Variants in SGCZ observed in about 807,000 individuals in gnomAD.
SGCZ encodes sarcoglycan zeta.
Under a neutral mutation model 41.3 loss-of-function variants are expected in SGCZ, and 40 were observed. That is an observed-to-expected ratio of 0.97 (90% CI 0.75 to 1.26). The LOEUF is 1.26. Among genes scored for constraint, SGCZ ranks in the 50% most tolerant of loss-of-function variants. The pLI is 0.00. For synonymous variants in SGCZ, 206 were observed against 137.5 expected, an observed-to-expected ratio of 1.50 and a Z score of -3.49; for missense variants, 552 against 369.8, an observed-to-expected ratio of 1.49 and a Z score of -4.04.
intron 1 of SGCZ, among the ~76,000 whole-genome samples, chr8:14,761,473 A>G (rs75196964): frequency 1.3e-5 from 2 of 151,326 alleles, no homozygotes; most frequent in African/African-American, 4.8e-5. Flanking sequence ...ATCTACCTGT[A>G]GACTCTCAAG....
intron 2 of SGCZ, among the ~76,000 whole-genome samples, chr8:14,425,147 C>G (rs1799743260): frequency 6.6e-6 from 1 of 152,072 alleles, no homozygotes; most frequent in Non-Finnish European, 1.5e-5. Context: ...GCTTTCTAAA[C>G]AGTGAAGTGA....
chr8:14,670,742 C>T (rs1164716874), intron 1 of SGCZ, among the ~76,000 whole-genome samples: 2 of 152,022 alleles, frequency 1.3e-5, no homozygotes, highest in Non-Finnish European at 2.9e-5. Context: ...TTCAGTACAA[C>T]CCATGAGGTA....
At chr8:14,412,484 T>C (rs1799386647) in intron 2 of SGCZ, among the ~76,000 whole-genome samples, 1 of 152,128 alleles carries the variant, frequency 6.6e-6, no homozygotes, top group Non-Finnish European at 1.5e-5. Context: ...TTAAAATAGA[T>C]AATCTCAGCA....
chr8:14,287,290 G>C (rs1585321993), intron 3 of SGCZ, among the ~76,000 whole-genome samples: 1 of 151,664 alleles, frequency 6.6e-6, no homozygotes, highest in Middle Eastern at 3.2e-3. Context: ...GAAAAGGTGG[G>C]TCATTTCAAT....
intron 5 of SGCZ, among the ~76,000 whole-genome samples, chr8:14,109,254 C>CTCTA (rs1359931034): frequency 6.6e-6 from 1 of 152,174 alleles, no homozygotes; most frequent in African/African-American, 2.4e-5. Flanking sequence ...TTGAAGGATA[C>CTCTA]TCTATCTCAA....
At chr8:14,696,568 T>G (rs1808970136) in intron 1 of SGCZ, among the ~76,000 whole-genome samples, 1 of 152,158 alleles carries the variant, frequency 6.6e-6, no homozygotes, top group African/African-American at 2.4e-5. Context: ...TAAAAATACT[T>G]ATTTCTAACA....
At chr8:14,532,704 TTG>T (rs1467600868) in intron 2 of SGCZ, among the ~76,000 whole-genome samples, 7 of 103,658 alleles carry the variant, frequency 6.8e-5, no homozygotes, top group African/African-American at 3.0e-4. Context: ...AAAACTTGCT[TTG>T]TGTGTGGGGG....
At chr8:14,339,363 T>C (rs2410186) in intron 2 of SGCZ, among the ~76,000 whole-genome samples, 30,236 of 152,218 alleles carry the variant, frequency 0.2, 3,784 homozygotes, top group Non-Finnish European at 0.29. Flanking sequence ...CTGAGAATGG[T>C]TGTTCTCTAA....
intron 1 of SGCZ, among the ~76,000 whole-genome samples, chr8:15,104,367 T>A (rs1563127872): frequency 6.6e-6 from 1 of 152,168 alleles, no homozygotes; most frequent in Non-Finnish European, 1.5e-5. Context: ...TGTAAAGTCA[T>A]GCACACACTG....
intron 1 of SGCZ, among the ~76,000 whole-genome samples, chr8:15,146,474 T>C (rs1799040396): frequency 1.3e-5 from 2 of 152,126 alleles, no homozygotes; most frequent in Admixed American, 1.3e-4. Context: ...CCTTGTTCTC[T>C]AGTGATCCTC....
At chr8:14,433,485 G>C (rs773584007) in intron 2 of SGCZ, among the ~76,000 whole-genome samples, 1 of 152,126 alleles carries the variant, frequency 6.6e-6, no homozygotes, top group Non-Finnish European at 1.5e-5. Context: ...CAACTCTACT[G>C]TGCTGAGATA....
chr8:14,170,787 T>G (rs1804356029), intron 4 of SGCZ, among the ~76,000 whole-genome samples: 1 of 152,212 alleles, frequency 6.6e-6, no homozygotes, highest in East Asian at 1.9e-4. Flanking sequence ...CACGTCCTTT[T>G]TGACTCGTTA....
intron 3 of SGCZ, among the ~76,000 whole-genome samples, chr8:14,258,057 C>A (rs1217251059): frequency 6.6e-6 from 1 of 152,084 alleles, no homozygotes; most frequent in Non-Finnish European, 1.5e-5. Context: ...TGAACTTGGA[C>A]TTTTAATTAC....
chr8:14,492,029 T>C (rs1261387902), intron 2 of SGCZ, among the ~76,000 whole-genome samples: 1 of 152,162 alleles, frequency 6.6e-6, no homozygotes, highest in Non-Finnish European at 1.5e-5. Flanking sequence ...TTTGTAAAAA[T>C]TAATGCTGTC....
intron 5 of SGCZ, chr8:14,162,455 T>A (rs1804075257): frequency 6.6e-6 from 1 of 152,174 alleles, no homozygotes; most frequent in Admixed American, 6.5e-5. Context: ...GAACCTCACT[T>A]ACTCACCAAC....
chr8:14,702,062 G>T (rs1350403912), intron 1 of SGCZ, among the ~76,000 whole-genome samples: 1 of 151,686 alleles, frequency 6.6e-6, no homozygotes, highest in Non-Finnish European at 1.5e-5. Context: ...TCTCCCATTA[G>T]GTTCTTGCCT....
chr8:14,866,300 C>T (rs536293402), intron 1 of SGCZ, among the ~76,000 whole-genome samples: 304 of 152,040 alleles, frequency 2.0e-3, no homozygotes, highest in Non-Finnish European at 3.5e-3. Flanking sequence ...AACCTTCTCT[C>T]GGGGCCAATC....
rs530141551 is a variant in SGCZ, at chr8:14,443,677, C to G, written c.234+111055G>C. 6.4e-4 allele frequency among the ~76,000 whole-genome samples: 98 copies of G among 152,278 alleles called. 1 individual carries two copies. The highest frequency in any genetic ancestry group is 2.3e-3 in the African/African-American group (96 of 41,546). On this transcript the variant is annotated intron_variant, in intron 2 of 7. Transcript: ENST00000382080. ...AAATTAATTCAAGATGGATTAAAGA[C>G]TGAAACGTTAGACCTAAAACCATAA...
intron 1 of SGCZ, among the ~76,000 whole-genome samples, chr8:14,941,747 A>AT (rs1800281490): frequency 6.6e-6 from 1 of 151,642 alleles, no homozygotes; most frequent in African/African-American, 2.4e-5. Context: ...TAGAGACTTG[A>AT]TTTTTTGCAT....
Sources: gnomAD v4.1 joint callset for allele counts (sites outside exome capture counted in the v4.1 genomes callset) on GRCh38, gnomAD v4.1.1 for gene constraint, MANE v1.5 for transcripts, NCBI Gene and HGNC (gene_info 2026-07-23, HGNC 2026-07-21) for gene names.